Variants in GPRC5A observed in about 807,000 individuals in gnomAD.
GPRC5A encodes the protein G protein-coupled receptor class C group 5 member A.
Under a neutral mutation model 22.5 loss-of-function variants are expected in GPRC5A, and 19 were observed. The ratio of observed to expected loss-of-function variants is 0.85; its 90% confidence interval spans 0.59 to 1.24. GPRC5A has a LOEUF of 1.24. Ranked by LOEUF, GPRC5A falls within the 50% of genes most tolerant of loss-of-function variation. GPRC5A has a pLI of 0.00. For missense variants in GPRC5A, 471 were observed against 451.1 expected, an observed-to-expected ratio of 1.04 and a Z score of -0.40; for synonymous variants, 192 against 184.5, an observed-to-expected ratio of 1.04 and a Z score of -0.33.
rs148641647 is a variant in GPRC5A at position 12,909,111 on chromosome 12, C to A, written c.862C>A (p.Leu288Ile). 6.2e-7 allele frequency: 1 copy of A among 1,601,152 alleles called. No individual in the cohort carries two copies. The highest frequency in any genetic ancestry group is 8.5e-7 in the Non-Finnish European group (1 of 1,179,726). Residue 288 changes from leucine to isoleucine, a missense_variant, in exon 2 of 4, where the codon CTC becomes ATC. Physicochemically the swap from Leu to Ile is conservative, Grantham distance 5. Transcript: ENST00000014914. ...TGAGGATGCTTTCTGTAAACCTCAA[C>A]TCGTGAAGAAGAGCTATGGTGTGGA... The part of the protein sequence containing the change: ...PVEDAFCKPQ[L>I]VKKSYGVENR...
rs748150683 is a variant in GPRC5A, at chr12:12,915,807, C to T, written c.*3268C>T. The T allele has an allele frequency of 3.9e-6, 2 of 509,130 alleles. No homozygotes were observed. The highest frequency in any genetic ancestry group is 2.0e-5 in the Admixed American group (1 of 49,438). The allele number at this position is 509,130 out of a possible 1,614,324, so 31.5% of individuals were successfully genotyped here. ...CTGGGATTACAGGCATGAGCCACCG[C>T]GCCCGGCCCCGTTGTTTCCCTTCTA... On this transcript the variant is annotated 3_prime_UTR_variant, in exon 4 of 4. Transcript: ENST00000014914.
At chr12:12,906,236 A>G (rs1565464594) in intron 1 of GPRC5A, among the ~76,000 whole-genome samples, 1 of 152,178 alleles carries the variant, frequency 6.6e-6, no homozygotes, top group Non-Finnish European at 1.5e-5. Flanking sequence ...TAGGGTTGCT[A>G]TGAAATGAAG....
intron 1 of GPRC5A, among the ~76,000 whole-genome samples, chr12:12,900,444 A>G (rs1863869495): frequency 6.6e-6 from 1 of 152,200 alleles, no homozygotes; most frequent in African/African-American, 2.4e-5. Context: ...ACTTGTTCAC[A>G]CAGCCTGGCA....
rs748612308 is a variant in GPRC5A, at chr12:12,909,042, T to A, written c.793T>A (p.Phe265Ile). ...VFLLAYVSPE[F>I]WLLTKQRNPM... ...CCTGTTGGCTTATGTTAGTCCCGAG[T>A]TTTGGCTGCTCACAAAGCAACGAAA... The change falls in exon 2 of 4, where the codon TTT (phenylalanine) becomes ATT (isoleucine). Residue 265 changes from phenylalanine (F) to isoleucine (I), a missense_variant. Phe to Ile is a conservative substitution (Grantham distance 21, BLOSUM62 0). Transcript: ENST00000014914. 4 of 1,612,250 alleles carry A rather than the reference T, an allele frequency of 2.5e-6. No homozygotes were observed. The highest frequency in any genetic ancestry group is 3.4e-6 in the Non-Finnish European group (4 of 1,179,974).
chr12:12,912,438 C>G lies in GPRC5A; in HGVS notation c.982-9C>G. 1.3e-6 allele frequency: 2 copies of G among 1,586,970 alleles called. No homozygotes were observed. The highest frequency in any genetic ancestry group is 1.1e-5 in the South Asian group (1 of 90,486). Reference sequence around the variant, plus strand: ...AGTGGGTTTCACGATATGACTGTTTCCTTTTCAGAACCAGCCTCCCCAAAA... The same window carrying G: ...AGTGGGTTTCACGATATGACTGTTTGCTTTTCAGAACCAGCCTCCCCAAAA... On this transcript the variant is annotated splice_polypyrimidine_tract_variant and intron_variant, in intron 3 of 3. Transcript: ENST00000014914.
rs1864061573 is a variant in GPRC5A, at chr12:12,916,094, C to T, written c.*3555C>T. ...CTGTTCTGTTTAAGTAGGGACCTCT[C>T]ATGGCCTACAGGCTTTGACATCTGA... is the stretch of plus-strand genomic sequence containing the variant. On this transcript the variant is annotated 3_prime_UTR_variant, in exon 4 of 4. Coordinates refer to ENST00000014914, the MANE Select transcript of GPRC5A (RefSeq NM_003979.4). 4.9e-6 allele frequency: 1 copy of T among 205,486 alleles called. No homozygotes were observed. Among genetic ancestry groups the T allele is most frequent in the Non-Finnish European group, 1.1e-5 (1 of 93,354 alleles). The allele number at this position is 205,486 out of a possible 1,614,324, so 12.7% of individuals were successfully genotyped here.
intron 2 of GPRC5A, among the ~76,000 whole-genome samples, chr12:12,910,340 C>A (rs750295439): frequency 6.6e-6 from 1 of 152,164 alleles, no homozygotes; most frequent in Admixed American, 6.5e-5. Context: ...CCCTCCTGTC[C>A]GTTCCGTGGC....
chr12:12,892,578 G>T (rs1226440295), intron 1 of GPRC5A, among the ~76,000 whole-genome samples: 1 of 152,098 alleles, frequency 6.6e-6, no homozygotes, highest in African/African-American at 2.4e-5. Flanking sequence ...TGTTGGTCAG[G>T]TTGGTCTCAA....
chr12:12,906,230 G>T (rs1423361610), intron 1 of GPRC5A, among the ~76,000 whole-genome samples: 6 of 152,170 alleles, frequency 3.9e-5, no homozygotes, highest in African/African-American at 1.4e-4. Context: ...ACCTCATAGG[G>T]TTGCTATGAA....
At chr12:12,903,816 C>G (rs944518575) in intron 1 of GPRC5A, among the ~76,000 whole-genome samples, 2 of 152,234 alleles carry the variant, frequency 1.3e-5, no homozygotes, top group African/African-American at 4.8e-5. Flanking sequence ...GATGGGGGCT[C>G]TGCCTTCCCT....
intron 1 of GPRC5A, among the ~76,000 whole-genome samples, chr12:12,907,448 C>T (rs1412193099): frequency 6.8e-6 from 1 of 147,998 alleles, no homozygotes. Flanking sequence ...ATTCAGATAA[C>T]TCCTCTTATC....
intron 1 of GPRC5A, among the ~76,000 whole-genome samples, chr12:12,899,223 G>GCGGGGGTC (rs1217590257): frequency 6.6e-6 from 1 of 152,072 alleles, no homozygotes; most frequent in Admixed American, 6.6e-5. Context: ...TTTTTGTACA[G>GCGGGGGTC]CGGGGGTCTC....
rs755181301 is a variant in GPRC5A, at chr12:12,909,149, C to A, written c.900C>A (p.Tyr300Ter). 1.3e-6 allele frequency: 2 copies of A among 1,592,296 alleles called. No individual in the cohort carries two copies. Among genetic ancestry groups the A allele is most frequent in the African/African-American group, 2.7e-5 (2 of 74,720 alleles). Residue 300 changes from tyrosine (Y) to a stop codon, truncating the protein, a stop_gained, in exon 2 of 4, where the codon TAC becomes TAA. Coordinates refer to ENST00000014914, the MANE Select transcript of GPRC5A (RefSeq NM_003979.4). LOFTEE classifies it high-confidence loss of function. Reference sequence around the variant, plus strand: ...GCTATGGTGTGGAGAACAGAGCCTACTCTCAAGAGGAAATCACTCAAGGTA... The same window carrying A: ...GCTATGGTGTGGAGAACAGAGCCTAATCTCAAGAGGAAATCACTCAAGGTA... ...KKSYGVENRA[Y>*]SQEEITQGFE...
rs1032496633 is a variant in GPRC5A, at chr12:12,917,102, T to C, written c.*4563T>C. 3 of 152,166 alleles carry C rather than the reference T, an allele frequency of 2.0e-5. No homozygotes were observed. In the East Asian group the frequency reaches 5.8e-4, roughly 29 times the overall value. 9.4% of individuals were successfully genotyped at this position (152,166 alleles called of 1,614,324 possible). A position where few individuals can be genotyped will look rare whatever the true frequency, so the allele number is the denominator to read the frequency against. On this transcript the variant is annotated 3_prime_UTR_variant, in exon 4 of 4. Transcript: ENST00000014914. ...ACCCCCAGTTTGTAGATTGCTCTCT[T>C]TGGAAATTCTGTGGCCCAACCTCGT...
intron 1 of GPRC5A, among the ~76,000 whole-genome samples, chr12:12,894,849 G>T (rs1327805920): frequency 7.5e-6 from 1 of 132,650 alleles, no homozygotes; most frequent in Admixed American, 9.7e-5. Context: ...TGCGATCACG[G>T]CTCACTGCAA....
In GPRC5A at chr12:12,917,346, T is replaced by G. The variant is rs1864076812; in HGVS notation, c.*4807T>G. The G allele has an allele frequency of 6.6e-6, 1 of 151,784 alleles. No individual in the cohort carries two copies. Among genetic ancestry groups the G allele is most frequent in the African/African-American group, 2.4e-5 (1 of 41,296 alleles). 9.4% of individuals were successfully genotyped at this position (151,784 alleles called of 1,614,324 possible). On this transcript the variant is annotated 3_prime_UTR_variant, in exon 4 of 4. Coordinates refer to ENST00000014914, the MANE Select transcript of GPRC5A (RefSeq NM_003979.4). The stretch of plus-strand genomic sequence containing the variant: ...AGTGGAACAGTCCAGTGCCAAAAAT[T>G]TTAGAGTTTGAGAAGGTCACAGAAA...
At chr12:12,897,879 GGCTCACAGGTGTGAGCC>G (rs1322534225) in intron 1 of GPRC5A, among the ~76,000 whole-genome samples, 1 of 151,912 alleles carries the variant, frequency 6.6e-6, no homozygotes, top group African/African-American at 2.4e-5. Context: ...CAAAGTTCTG[GGCTCACAGGTGTGAGCC>G]ACTGCGCCCG....
chr12:12,898,211 A>C (rs1420303635), intron 1 of GPRC5A, among the ~76,000 whole-genome samples: 2 of 152,344 alleles, frequency 1.3e-5, no homozygotes, highest in African/African-American at 2.4e-5. Flanking sequence ...AGGAAGGCAT[A>C]ATAATAGGGT....
chr12:12,899,625 T>C (rs900659001), intron 1 of GPRC5A, among the ~76,000 whole-genome samples: 2 of 152,198 alleles, frequency 1.3e-5, no homozygotes, highest in Non-Finnish European at 2.9e-5. Flanking sequence ...AATGAGAGAA[T>C]ATGTGTAAAA....
Sources: gnomAD v4.1 joint callset for allele counts (sites outside exome capture counted in the v4.1 genomes callset) on GRCh38, gnomAD v4.1.1 for gene constraint, MANE v1.5 for transcripts, NCBI Gene and HGNC (gene_info 2026-07-23, HGNC 2026-07-21) for gene names.